Variants in MAN1B1 observed in about 807,000 individuals in gnomAD.
MAN1B1 encodes the protein mannosidase alpha class 1B member 1.
MAN1B1 carries 66 observed loss-of-function variants against 75.5 expected under a neutral mutation model. The ratio of observed to expected loss-of-function variants is 0.87; its 90% CI spans 0.72 to 1.07. MAN1B1 has a LOEUF of 1.07. MAN1B1 is among the 50% of genes least tolerant of loss of function. MAN1B1 has a pLI of 0.00. For synonymous variants in MAN1B1, 453 were observed against 382.8 expected (o/e 1.18, Z -2.14); for missense variants, 973 against 912.5 (o/e 1.07, Z -0.85).
intron 3 of MAN1B1, among the ~76,000 whole-genome samples, chr9:137,093,091 T>C (rs187133811): frequency 1.7e-3 from 266 of 152,298 alleles, no homozygotes; most frequent in African/African-American, 6.2e-3. Context: ...AAAATGTTAT[T>C]GAAAAGAGAT....
Position 137,101,563 on chromosome 9 carries a change from G to C in MAN1B1, c.1145G>C (p.Gly382Ala). 1 of 1,613,872 alleles carries C rather than the reference G, an allele frequency of 6.2e-7. No homozygotes were observed. Among genetic ancestry groups the C allele is most frequent in the Non-Finnish European group, 8.5e-7 (1 of 1,180,046 alleles). ...IPYSDVNIGT[G>A]VAHPPRWTSD... Reference sequence around the variant, plus strand: ...TACTCGGATGTGAACATCGGTACTGGAGTTGCCCACCCGCCACGGTGGACC... The same window carrying C: ...TACTCGGATGTGAACATCGGTACTGCAGTTGCCCACCCGCCACGGTGGACC... The change falls in exon 8 of 13, where the codon GGA becomes GCA. Residue 382 changes from glycine to alanine, a missense_variant. Physicochemically the swap from Gly to Ala is moderately conservative, Grantham distance 60 (BLOSUM62 0). Transcript: ENST00000371589.
At chr9:137,102,800 GCT>G (rs1830902544) in intron 8 of MAN1B1, 10 of 433,376 alleles carry the variant, frequency 2.3e-5, no homozygotes, top group African/African-American at 4.7e-5. Context: ...ACACATTCAT[GCT>G]GTTGCAGGCG....
At chr9:137,099,546 T>C in intron 5 of MAN1B1, 150 bp from the exon 6 acceptor site, 2 of 824,784 alleles carry the variant, frequency 2.4e-6, no homozygotes, top group East Asian at 5.1e-5. Flanking sequence ...CCCTGGCCTT[T>C]GCTGTGCCCA....
chr9:137,090,332 G>A (rs901527648), intron 3 of MAN1B1, among the ~76,000 whole-genome samples: 6 of 152,220 alleles, frequency 3.9e-5, no homozygotes, highest in African/African-American at 1.4e-4. Flanking sequence ...AGTCCTCAGC[G>A]CCAGGTGGAC....
At chr9:137,097,308 G>C (rs1830677939) in intron 4 of MAN1B1, among the ~76,000 whole-genome samples, 1 of 152,236 alleles carries the variant, frequency 6.6e-6, no homozygotes, top group African/African-American at 2.4e-5. Flanking sequence ...AGGGCCCCAA[G>C]AGAACGCTCG....
chr9:137,099,083 G>T (rs527772047), intron 5 of MAN1B1, among the ~76,000 whole-genome samples: 23 of 152,244 alleles, frequency 1.5e-4, no homozygotes, highest in African/African-American at 5.3e-4. Context: ...GCCCACCTCG[G>T]CCTCCCAGAG....
Position 137,107,452 on chromosome 9 carries a change from G to T in MAN1B1, c.1764+5G>T. ...CGTCGGGACGTGGAGGTCAAGGTGG[G>T]CCTGGGCCTGGGTCAGGGTCCATCA... On this transcript the variant is annotated splice_donor_5th_base_variant and intron_variant, in intron 11 of 12. Coordinates refer to ENST00000371589, the MANE Select transcript of MAN1B1 (RefSeq NM_016219.5). The T allele has an allele frequency of 6.2e-7, 1 of 1,613,252 alleles. No homozygotes were observed. Among genetic ancestry groups the T allele is most frequent in the Non-Finnish European group, 8.5e-7 (1 of 1,179,970 alleles).
intron 4 of MAN1B1, 81 bp from the exon 5 acceptor site, chr9:137,097,747 C>A: frequency 9.1e-7 from 1 of 1,100,514 alleles, no homozygotes; most frequent in South Asian, 1.3e-5. Context: ...GTGCCTTGGC[C>A]GTGGGTATGG....
At chr9:137,107,990 C>G in intron 12 of MAN1B1, 1 of 623,046 alleles carries the variant, frequency 1.6e-6, no homozygotes, top group Non-Finnish European at 2.9e-6. Context: ...GACTGGGGCA[C>G]CATCCCCACT....
At chr9:137,092,427 C>G (rs181061583) in intron 3 of MAN1B1, among the ~76,000 whole-genome samples, 1 of 151,762 alleles carries the variant, frequency 6.6e-6, no homozygotes, top group Non-Finnish European at 1.5e-5. Context: ...TGGATACACA[C>G]GTGTGTACGT....
chr9:137,092,058 C>A (rs1830529903), intron 3 of MAN1B1, among the ~76,000 whole-genome samples: 1 of 152,212 alleles, frequency 6.6e-6, no homozygotes, highest in African/African-American at 2.4e-5. Flanking sequence ...CAGTCCAACT[C>A]TTGAAACACT....
In MAN1B1 at chr9:137,087,158, G is replaced by T. The variant is rs774835139; in HGVS notation, c.159G>T (p.Thr53=). Residue 53 remains threonine, a synonymous_variant, in exon 1 of 13, where the codon ACG becomes ACT. Coordinates refer to ENST00000371589, the MANE Select transcript of MAN1B1 (RefSeq NM_016219.5). Reference sequence around the variant, plus strand: ...CTCATCGGGACTTCATCTCGGTGACGCTGAGCTTTGGCGAGAACTATGACA... The same window carrying T: ...CTCATCGGGACTTCATCTCGGTGACTCTGAGCTTTGGCGAGAACTATGACA... ...PPPHRDFISV[T]LSFGENYDNS... The T allele has an allele frequency of 7.5e-6, 12 of 1,594,650 alleles. No homozygotes were observed. Among genetic ancestry groups the T allele is most frequent in the Non-Finnish European group, 1.0e-5 (12 of 1,171,754 alleles).
intron 3 of MAN1B1, chr9:137,094,316 T>A: frequency 2.5e-6 from 1 of 399,978 alleles, no homozygotes; most frequent in East Asian, 7.0e-5. Context: ...CACCTGACCC[T>A]CGTAACGGTG....
At chr9:137,106,029 TG>T (rs1831081321) in intron 8 of MAN1B1, 95 bp from the exon 9 acceptor site, 3 of 968,152 alleles carry the variant, frequency 3.1e-6, no homozygotes, top group Non-Finnish European at 4.9e-6. Context: ...CAGTCGGTGC[TG>T]GGGCGAGGGG....
chr9:137,107,737 G>A (rs1380915372), intron 12 of MAN1B1, 75 bp downstream of exon 12: 1 of 1,604,576 alleles, frequency 6.2e-7, no homozygotes, highest in East Asian at 2.2e-5. Flanking sequence ...GGCTCAGGCT[G>A]GCTCCGCTCT....
Position 137,108,809 on chromosome 9 carries a change from C to T in MAN1B1, c.*218C>T, listed in dbSNP as rs1831212382. On this transcript the variant is annotated 3_prime_UTR_variant, in exon 13 of 13. Transcript: ENST00000371589. ...TGCGGGGTGGGCTGGGCCGCTGGAGCCTCCGCCTGCTTCCTCCAGAAGACA... is the reference window on the plus strand; with the variant it reads ...TGCGGGGTGGGCTGGGCCGCTGGAGTCTCCGCCTGCTTCCTCCAGAAGACA... The T allele has an allele frequency of 1.5e-6, 1 of 687,506 alleles. No individual in the cohort carries two copies. Among genetic ancestry groups the T allele is most frequent in the Admixed American group, 2.0e-5 (1 of 49,354 alleles). 42.6% of individuals were successfully genotyped at this position (687,506 alleles called of 1,614,324 possible). A position where few individuals can be genotyped will look rare whatever the true frequency, so the allele number is the denominator to read the frequency against.
At chr9:137,103,914 G>A (rs1830998224) in intron 8 of MAN1B1, 4 of 449,066 alleles carry the variant, frequency 8.9e-6, no homozygotes, top group East Asian at 7.1e-5. Flanking sequence ...CATGCAGGTC[G>A]GTAGTGTTAC....
In MAN1B1 at chr9:137,099,849, T is replaced by A; in HGVS notation, c.884T>A (p.Leu295Gln). The A allele has an allele frequency of 6.2e-7, 1 of 1,614,226 alleles. No homozygotes were observed. Among genetic ancestry groups the A allele is most frequent in the East Asian group, 2.2e-5 (1 of 44,896 alleles). Residue 295 changes from leucine (L) to glutamine (Q), a missense_variant, in exon 6 of 13, where the codon CTG (leucine) becomes CAG (glutamine). Physicochemically the swap from Leu to Gln is moderately radical, Grantham distance 113. Coordinates refer to ENST00000371589, the MANE Select transcript of MAN1B1 (RefSeq NM_016219.5). Reference sequence around the variant, plus strand: ...CTCGGTCTCACACTGATCGACGCGCTGGACACCATGTGGATCTTGGGTCTG... The same window carrying A: ...CTCGGTCTCACACTGATCGACGCGCAGGACACCATGTGGATCTTGGGTCTG... ...FGLGLTLIDA[L>Q]DTMWILGLRK...
At chr9:137,089,737 G>T (rs918004690) in intron 3 of MAN1B1, among the ~76,000 whole-genome samples, 1 of 152,180 alleles carries the variant, frequency 6.6e-6, no homozygotes, top group Non-Finnish European at 1.5e-5. Context: ...GCCTGGCCGT[G>T]GGAAAAGCTG....
Sources: gnomAD v4.1 joint callset for allele counts (sites outside exome capture counted in the v4.1 genomes callset) on GRCh38, gnomAD v4.1.1 for gene constraint, MANE v1.5 for transcripts, NCBI Gene and HGNC (gene_info 2026-07-23, HGNC 2026-07-21) for gene names.